Variants in SCG3 observed in about 807,000 individuals in gnomAD.
SCG3 encodes the protein secretogranin III.
SCG3 carries 38 observed loss-of-function variants against 56.2 expected under a neutral mutation model. That is an observed-to-expected ratio of 0.68 (90% CI 0.52 to 0.89). The LOEUF (loss-of-function observed/expected upper bound fraction) is 0.89, where lower values mean the gene tolerates loss of function less well. Among genes scored for constraint, SCG3 ranks in the 40% least tolerant of loss-of-function variants. The pLI is 0.00. For synonymous variants in SCG3, 176 were observed against 184.2 expected, an observed-to-expected ratio of 0.96 and a Z score of 0.36; for missense variants, 524 against 540.7, an observed-to-expected ratio of 0.97 and a Z score of 0.31.
chr15:51,682,002 AT>A (rs200868173), intron 1 of SCG3, among the ~76,000 whole-genome samples, 165 bp downstream of exon 1: 1,705 of 152,202 alleles, frequency 0.011, 30 homozygotes, highest in African/African-American at 0.039. Flanking sequence ...CAGAAGACAG[AT>A]TTTTTTTCTT....
At chr15:51,697,572 C>A (rs1385460693) in intron 8 of SCG3, among the ~76,000 whole-genome samples, 1 of 152,204 alleles carries the variant, frequency 6.6e-6, no homozygotes, top group Non-Finnish European at 1.5e-5. Flanking sequence ...TGAATACACT[C>A]ATCATTGCAG....
intron 6 of SCG3, among the ~76,000 whole-genome samples, chr15:51,689,703 C>A (rs1171676448): frequency 6.6e-6 from 1 of 152,008 alleles, no homozygotes; most frequent in Admixed American, 6.6e-5. Flanking sequence ...AGGAAGATCG[C>A]CTGAGGCCAG....
intron 10 of SCG3, among the ~76,000 whole-genome samples, chr15:51,704,278 T>TATATATATATATATATATAA: frequency 7.6e-6 from 1 of 131,370 alleles, no homozygotes; most frequent in South Asian, 2.3e-4. Flanking sequence ...TATATATATA[T>TATATATATATATATATATAA]AAAATAGCTC....
chr15:51,689,455 C>T (rs2055252917), intron 6 of SCG3, 87 bp downstream of exon 6: 1 of 1,417,252 alleles, frequency 7.1e-7, no homozygotes, highest in East Asian at 2.5e-5. Context: ...ATAATAATTG[C>T]CTTACTTGAT....
intron 6 of SCG3, among the ~76,000 whole-genome samples, chr15:51,690,597 C>A (rs2055260617): frequency 6.6e-6 from 1 of 150,894 alleles, no homozygotes; most frequent in African/African-American, 2.4e-5. Context: ...CAGCTGCCAT[C>A]TTTTAAAGCA....
At chr15:51,682,992 C>T in intron 2 of SCG3, 87 bp from the exon 3 acceptor site, 2 of 1,010,350 alleles carry the variant, frequency 2.0e-6, no homozygotes, top group Non-Finnish European at 3.0e-6. Flanking sequence ...AATTAAATCC[C>T]ATGGAGATTA....
At chr15:51,691,018 A>G (rs1021529648) in intron 6 of SCG3, among the ~76,000 whole-genome samples, 5 of 152,334 alleles carry the variant, frequency 3.3e-5, no homozygotes, top group Non-Finnish European at 4.4e-5. Context: ...GGAAAGAAAC[A>G]TGGTTCTATG....
chr15:51,689,151 T>A (rs2055249700), intron 5 of SCG3, 68 bp from the exon 6 acceptor site: 1 of 1,496,294 alleles, frequency 6.7e-7, no homozygotes, highest in African/African-American at 1.4e-5. Flanking sequence ...TACAGTTTAG[T>A]CCACATTATT....
chr15:51,689,947 A>G (rs1025382848), intron 6 of SCG3, among the ~76,000 whole-genome samples: 1 of 152,234 alleles, frequency 6.6e-6, no homozygotes, highest in Non-Finnish European at 1.5e-5. Flanking sequence ...AAAATAATAC[A>G]TAATAATATG....
At chr15:51,696,237 A>G (rs1041703914) in intron 8 of SCG3, among the ~76,000 whole-genome samples, 4 of 152,190 alleles carry the variant, frequency 2.6e-5, no homozygotes, top group African/African-American at 7.2e-5. Flanking sequence ...TAATAATCTT[A>G]TGGAGACAAT....
Position 51,720,713 on chromosome 15 carries a change from C to G in SCG3, c.*1187C>G, listed in dbSNP as rs1250836689. The G allele has an allele frequency of 2.0e-5, 3 of 152,500 alleles. No homozygotes were observed. Among genetic ancestry groups the G allele is most frequent in the Non-Finnish European group, 4.4e-5 (3 of 68,300 alleles). 9.4% of individuals were successfully genotyped at this position (152,500 alleles called of 1,614,324 possible). A position where few individuals can be genotyped will look rare whatever the true frequency, so the allele number is the denominator to read the frequency against. ...CAAGAGGATTGTAAAATGCACCCAT[C>G]AGTGCTCTGTAAAACACACCAATCA... On this transcript the variant is annotated 3_prime_UTR_variant, in exon 12 of 12. Transcript: ENST00000220478.
intron 10 of SCG3, among the ~76,000 whole-genome samples, chr15:51,712,723 G>A (rs1444243397): frequency 6.6e-6 from 1 of 152,158 alleles, no homozygotes; most frequent in African/African-American, 2.4e-5. Context: ...GAGGCCCATC[G>A]AACAGTGTTT....
In SCG3 at chr15:51,688,522, C is replaced by T. The variant is rs147197048; in HGVS notation, c.540+120C>T. 369 of 840,294 alleles carry T rather than the reference C, an allele frequency of 4.4e-4. No homozygotes were observed. In the African/African-American group the frequency reaches 5.1e-3, roughly 12 times the overall value. 52.1% of individuals were successfully genotyped at this position (840,294 alleles called of 1,614,324 possible). A position where few individuals can be genotyped will look rare whatever the true frequency, so the allele number is the denominator to read the frequency against. The stretch of plus-strand genomic sequence containing the variant: ...AATGTGTCTTCCTTCTACTAGGACC[C>T]GTAGGTTTTAAGGACAAGCAAAGCA... On this transcript the variant is annotated intron_variant, in intron 5 of 11. Coordinates refer to ENST00000220478, the MANE Select transcript of SCG3 (RefSeq NM_013243.4).
At chr15:51,708,651 C>G (rs2055391206) in intron 10 of SCG3, among the ~76,000 whole-genome samples, 2 of 152,134 alleles carry the variant, frequency 1.3e-5, no homozygotes, top group Non-Finnish European at 2.9e-5. Flanking sequence ...GTCAGGAGAT[C>G]GAGACCATCC....
Position 51,681,637 on chromosome 15 carries a change from T to A in SCG3, c.-119T>A. 1.7e-6 allele frequency: 1 copy of A among 582,688 alleles called. No individual in the cohort carries two copies. The highest frequency in any genetic ancestry group is 1.9e-5 in the African/African-American group (1 of 52,996). 36.1% of individuals were successfully genotyped at this position (582,688 alleles called of 1,614,324 possible). On this transcript the variant is annotated 5_prime_UTR_variant, in exon 1 of 12. Transcript: ENST00000220478. ...TGCAGCCGCCCAGTCCCGGCCCCTC[T>A]CCCGCCCCACACCCACCCTCCTGGC...
Position 51,682,540 on chromosome 15 carries a change from T to C in SCG3, c.106T>C (p.Leu36=). The change falls in exon 2 of 12, where the codon TTA becomes CTA. Residue 36 remains leucine (L), a synonymous_variant. Coordinates refer to ENST00000220478, the MANE Select transcript of SCG3 (RefSeq NM_013243.4). ...AGACAAATCTCTACATAATAGAGAA[T>C]TAAGTGCAGAAAGACCTTTGAATGA... ...SQDKSLHNRE[L]SAERPLNEQI... The C allele has an allele frequency of 6.9e-7, 1 of 1,452,930 alleles. No individual in the cohort carries two copies. Among genetic ancestry groups the C allele is most frequent in the South Asian group, 1.4e-5 (1 of 73,480 alleles). The allele number at this position is 1,452,930 out of a possible 1,614,324, so 90.0% of individuals were successfully genotyped here.
intron 9 of SCG3, among the ~76,000 whole-genome samples, chr15:51,699,883 T>G (rs1250783276): frequency 6.6e-6 from 1 of 152,016 alleles, no homozygotes; most frequent in Non-Finnish European, 1.5e-5. Flanking sequence ...TTTCGTCAGT[T>G]CCATACCTCC....
At position 51,720,120 on chromosome 15, in the gene SCG3, C is replaced by T. The variant is rs2055486922; in HGVS notation, c.*594C>T. 6.6e-6 allele frequency: 1 copy of T among 152,274 alleles called. No homozygotes were observed. Among genetic ancestry groups the T allele is most frequent in the Non-Finnish European group, 1.5e-5 (1 of 68,088 alleles). 9.4% of individuals were successfully genotyped at this position (152,274 alleles called of 1,614,324 possible). On this transcript the variant is annotated 3_prime_UTR_variant, in exon 12 of 12. Transcript: ENST00000220478. ...GTATAGGATTTGCTGGATTTACTAA[C>T]AATTTCCCCCTGTTCTTAACACTTC...
At chr15:51,686,747 T>C (rs2055231996) in intron 4 of SCG3, among the ~76,000 whole-genome samples, 3 of 149,512 alleles carry the variant, frequency 2.0e-5, no homozygotes, top group Non-Finnish European at 4.4e-5. Context: ...TCTGCTTTTT[T>C]GTCTCTCTGG....
Sources: gnomAD v4.1 joint callset for allele counts (sites outside exome capture counted in the v4.1 genomes callset) on GRCh38, gnomAD v4.1.1 for gene constraint, MANE v1.5 for transcripts, NCBI Gene and HGNC (gene_info 2026-07-23, HGNC 2026-07-21) for gene names.